Variants in DMRTB1 observed in about 807,000 individuals in gnomAD.
The protein encoded by DMRTB1 is DMRT like family B with proline rich C-terminal 1.
Under a neutral mutation model 25.2 loss-of-function variants are expected in DMRTB1, and 9 were observed. The observed-to-expected ratio is 0.36, with a 90% CI of 0.22 to 0.62. DMRTB1 has a LOEUF of 0.62. Ranked by LOEUF, DMRTB1 falls within the 20% of genes least tolerant of loss-of-function variation. The pLI, the probability that DMRTB1 is intolerant of heterozygous loss-of-function variation, is 0.71. For synonymous variants in DMRTB1, 269 were observed against 238.1 expected (o/e 1.13, Z -1.20); for missense variants, 551 against 499.3 (o/e 1.10, Z -0.99).
intron 1 of DMRTB1, 83 bp downstream of exon 1, chr1:53,460,113 C>A: frequency 7.0e-7 from 1 of 1,427,638 alleles, no homozygotes; most frequent in South Asian, 1.4e-5. Context: ...CATAGGGGTT[C>A]GGGGTGGAGA....
chr1:53,464,632 T>C lies in DMRTB1; in HGVS notation c.751-5T>C. The stretch of plus-strand genomic sequence containing the variant: ...CTCCGCCTCTCTGCTGTGTGTGCCG[T>C]GCAGGTGTCAGAACCAGGAGGAGAC... On this transcript the variant is annotated splice_region_variant and splice_polypyrimidine_tract_variant and intron_variant, in intron 2 of 3. Transcript: ENST00000371445. 2 of 1,613,184 alleles carry C rather than the reference T, an allele frequency of 1.2e-6. No homozygotes were observed. Among genetic ancestry groups the C allele is most frequent in the Non-Finnish European group, 1.7e-6 (2 of 1,180,024 alleles).
chr1:53,460,568 GAGCC>G (rs1342805332), intron 1 of DMRTB1: 1 of 153,026 alleles, frequency 6.5e-6, no homozygotes, highest in East Asian at 1.9e-4. Context: ...CAGGTGAGGG[GAGCC>G]TGCTTCTTTA....
chr1:53,464,949 A>G (rs573937523), intron 3 of DMRTB1, 102 bp downstream of exon 3: 4 of 1,515,820 alleles, frequency 2.6e-6, no homozygotes, highest in East Asian at 2.2e-5. Context: ...GAGAAGGGAC[A>G]TGGAATTTAA....
Position 53,461,552 on chromosome 1 carries a change from G to C in DMRTB1, c.657G>C (p.Pro219=). 2 of 1,612,044 alleles carry C rather than the reference G, an allele frequency of 1.2e-6. No individual in the cohort carries two copies. The highest frequency in any genetic ancestry group is 1.7e-6 in the Non-Finnish European group (2 of 1,179,160). Residue 219 remains proline (P), a synonymous_variant, in exon 2 of 4, where the codon CCG becomes CCC. Transcript: ENST00000371445. ...GCTCCAGCATGCACCCCTACTGCCC[G>C]TTCCCGCTGGGCTACCTGGACGCCC... The part of the protein sequence containing the change: ...PGGSSMHPYC[P]FPLGYLDAPP...
chr1:53,461,495 G>C lies in DMRTB1; in HGVS notation c.600G>C (p.Pro200=). Residue 200 remains proline, a synonymous_variant, in exon 2 of 4, where the codon CCG becomes CCC. Coordinates refer to ENST00000371445, the MANE Select transcript of DMRTB1 (RefSeq NM_033067.3). ...TAGTGCGCCCTCTGAACATCAACCC[G>C]GACCGTGCACTGGGCCCTGAGTACC... ...TDFVRPLNIN[P]DRALGPEYPG... 2 of 1,603,754 alleles carry C rather than the reference G, an allele frequency of 1.2e-6. No homozygotes were observed. The highest frequency in any genetic ancestry group is 8.5e-7 in the Non-Finnish European group (1 of 1,174,690).
Position 53,459,643 on chromosome 1 carries a change from G to A in DMRTB1, c.190G>A (p.Glu64Lys), listed in dbSNP as rs894953749. ...KVLKTQAAEE[E>K]QEAALCAQGP... ...GCTCAAGACGCAGGCCGCCGAGGAG[G>A]AGCAGGAGGCGGCCCTGTGTGCGCA... Residue 64 changes from glutamate (E) to lysine (K), a missense_variant, in exon 1 of 4, where the codon GAG (glutamate) becomes AAG (lysine). Physicochemically the swap from Glu to Lys is moderately conservative, Grantham distance 56 (BLOSUM62 1). Coordinates refer to ENST00000371445, the MANE Select transcript of DMRTB1 (RefSeq NM_033067.3). 3.2e-6 allele frequency: 5 copies of A among 1,556,446 alleles called. No individual in the cohort carries two copies. Among genetic ancestry groups the A allele is most frequent in the South Asian group, 1.2e-5 (1 of 84,804 alleles).
rs182699648 is a variant in DMRTB1 at position 53,463,034 on chromosome 1, C to G, written c.750+1389C>G. Among the ~76,000 whole-genome samples, 3 of 152,226 alleles carry G rather than the reference C, an allele frequency of 2.0e-5. No homozygotes were observed. In the South Asian group the frequency reaches 6.2e-4, roughly 31 times the overall value. On this transcript the variant is annotated intron_variant, in intron 2 of 3. Transcript: ENST00000371445. ...CCTTTGTTAAGAGTGTGATCTCAGT[C>G]GGTTTATCTGGGCCTGAGCTGCCAC... is the stretch of plus-strand genomic sequence containing the variant.
At chr1:53,460,134 C>G in intron 1 of DMRTB1, 104 bp downstream of exon 1, 1 of 1,383,088 alleles carries the variant, frequency 7.2e-7, no homozygotes. Context: ...GAAGTTTTTC[C>G]ACGGGTAACG....
rs1357360652 is a variant in DMRTB1, at chr1:53,459,606, C to A, written c.153C>A (p.Ala51=). ...YLISERQKIM[A]AQKVLKTQAA... ...TCTCCGAGCGCCAGAAGATCATGGC[C>A]GCGCAGAAGGTGCTCAAGACGCAGG... The change falls in exon 1 of 4, where the codon GCC becomes GCA. Residue 51 remains alanine, a synonymous_variant. Transcript: ENST00000371445. 1 of 1,587,922 alleles carries A rather than the reference C, an allele frequency of 6.3e-7. No individual in the cohort carries two copies. The highest frequency in any genetic ancestry group is 8.6e-7 in the Non-Finnish European group (1 of 1,167,504).
chr1:53,464,720 A>G lies in DMRTB1; in HGVS notation c.834A>G (p.Pro278=). 1 of 1,612,848 alleles carries G rather than the reference A, an allele frequency of 6.2e-7. No individual in the cohort carries two copies. The highest frequency in any genetic ancestry group is 2.2e-5 in the East Asian group (1 of 44,832). ...PPPLPPLPPL[P]PQPQFLPPGY... ...CACTGCCGCCCCTTCCACCGCTTCC[A>G]CCGCAGCCCCAGTTCCTCCCGCCAG... is the stretch of plus-strand genomic sequence containing the variant. The change falls in exon 3 of 4, where the codon CCA becomes CCG. Residue 278 remains proline, a synonymous_variant. Transcript: ENST00000371445.
intron 2 of DMRTB1, among the ~76,000 whole-genome samples, chr1:53,463,269 G>C (rs905427590): frequency 9.2e-5 from 14 of 152,202 alleles, no homozygotes; most frequent in African/African-American, 3.4e-4. Context: ...CTCCAGAACA[G>C]TTTCCTCCTT....
At position 53,459,902 on chromosome 1, in the gene DMRTB1, C is replaced by T; in HGVS notation, c.449C>T (p.Ala150Val). ...GRSHVEPSER[A>V]AVAMPSLAGP... ...AGCCACGTGGAGCCGAGCGAGCGAG[C>T]CGCCGTGGCGATGCCCAGCCTTGCG... The change falls in exon 1 of 4, where the codon GCC becomes GTC. Residue 150 changes from alanine (A) to valine (V), a missense_variant. Physicochemically the swap from Ala to Val is moderately conservative, Grantham distance 64. Coordinates refer to ENST00000371445, the MANE Select transcript of DMRTB1 (RefSeq NM_033067.3). The T allele has an allele frequency of 6.5e-7, 1 of 1,537,192 alleles. No individual in the cohort carries two copies. Among genetic ancestry groups the T allele is most frequent in the Non-Finnish European group, 8.7e-7 (1 of 1,151,544 alleles).
chr1:53,463,669 T>C (rs1328807953), intron 2 of DMRTB1, among the ~76,000 whole-genome samples: 1 of 152,210 alleles, frequency 6.6e-6, no homozygotes, highest in African/African-American at 2.4e-5. Flanking sequence ...TGCTCATGTG[T>C]GACCCACTAA....
In DMRTB1 at chr1:53,459,719, C is replaced by T. The variant is rs1644007452; in HGVS notation, c.266C>T (p.Pro89Leu). The T allele has an allele frequency of 2.2e-6, 3 of 1,384,876 alleles. No homozygotes were observed. The highest frequency in any genetic ancestry group is 3.8e-5 in the Admixed American group (1 of 26,168). 85.8% of individuals were successfully genotyped at this position (1,384,876 alleles called of 1,614,324 possible). Residue 89 changes from proline to leucine, a missense_variant, in exon 1 of 4, where the codon CCC becomes CTC. Pro to Leu is a moderately conservative substitution (Grantham distance 98). Coordinates refer to ENST00000371445, the MANE Select transcript of DMRTB1 (RefSeq NM_033067.3). ...GAAAAAPAPV[P>L]VPAASLRPLS... ...GCGGCCGCCGCCCCCGCCCCCGTCC[C>T]CGTCCCGGCCGCGAGCCTCCGCCCG... is the stretch of plus-strand genomic sequence containing the variant.
chr1:53,461,700 G>A lies in DMRTB1; in HGVS notation c.750+55G>A, dbSNP rs766915971. On this transcript the variant is annotated intron_variant, in intron 2 of 3. Transcript: ENST00000371445. ...TTCCTCCACCCAGTCTGCCCCTGCT[G>A]CCTTGATGGATCCTCAGTCCCAGGA... 3.3e-5 allele frequency: 49 copies of A among 1,494,010 alleles called. 1 individual carries two copies. Among genetic ancestry groups the A allele is most frequent in the Middle Eastern group, 1.8e-4 (1 of 5,606 alleles). The allele number at this position is 1,494,010 out of a possible 1,614,324, so 92.5% of individuals were successfully genotyped here.
Position 53,460,028 on chromosome 1 carries a change from T to A in DMRTB1, c.575T>A (p.Phe192Tyr). The part of the protein sequence containing the change: ...RTVPGPLFTD[F>Y]VRPLNINPDR... ...GTGCCCGGCCCACTGTTCACCGACTTTGGTAAGTCGTGGCCTTGGTCCCGC... is the reference window on the plus strand; with the variant it reads ...GTGCCCGGCCCACTGTTCACCGACTATGGTAAGTCGTGGCCTTGGTCCCGC... Residue 192 changes from phenylalanine to tyrosine, a missense_variant and splice_region_variant, in exon 1 of 4, where the codon TTT becomes TAT. Phe to Tyr is a conservative substitution (Grantham distance 22). Coordinates refer to ENST00000371445, the MANE Select transcript of DMRTB1 (RefSeq NM_033067.3). 1 of 1,574,674 alleles carries A rather than the reference T, an allele frequency of 6.4e-7. No homozygotes were observed. The highest frequency in any genetic ancestry group is 1.4e-5 in the African/African-American group (1 of 72,992).
chr1:53,461,568 C>G lies in DMRTB1; in HGVS notation c.673C>G (p.Leu225Val). 6.2e-7 allele frequency: 1 copy of G among 1,611,956 alleles called. No homozygotes were observed. Among genetic ancestry groups the G allele is most frequent in the Non-Finnish European group, 8.5e-7 (1 of 1,179,156 alleles). ...CTACTGCCCGTTCCCGCTGGGCTACCTGGACGCCCCTCCTGGCGTCCCCCT... is the reference window on the plus strand; with the variant it reads ...CTACTGCCCGTTCCCGCTGGGCTACGTGGACGCCCCTCCTGGCGTCCCCCT... ...HPYCPFPLGY[L>V]DAPPGVPLQQ... The change falls in exon 2 of 4, where the codon CTG becomes GTG. Residue 225 changes from leucine (L) to valine (V), a missense_variant. Transcript: ENST00000371445.
At chr1:53,460,181 AT>A in intron 1 of DMRTB1, 151 bp downstream of exon 1, 1 of 1,177,448 alleles carries the variant, frequency 8.5e-7, no homozygotes, top group Non-Finnish European at 1.1e-6. Flanking sequence ...TCGAACAGGG[AT>A]TTGGATTGGG....
chr1:53,466,788 C>A lies in DMRTB1; in HGVS notation c.*126C>A. 1 of 949,278 alleles carries A rather than the reference C, an allele frequency of 1.1e-6. No individual in the cohort carries two copies. Among genetic ancestry groups the A allele is most frequent in the South Asian group, 1.5e-5 (1 of 68,326 alleles). 58.8% of individuals were successfully genotyped at this position (949,278 alleles called of 1,614,324 possible). ...GATAGCATAGATGGCAACTGATTCC[C>A]AGTTTAAGATAGGAGGAAGGAGAGC... On this transcript the variant is annotated 3_prime_UTR_variant, in exon 4 of 4. Coordinates refer to ENST00000371445, the MANE Select transcript of DMRTB1 (RefSeq NM_033067.3).
Sources: allele counts gnomAD v4.1 joint callset (sites outside exome capture counted in the v4.1 genomes callset), GRCh38; gene constraint gnomAD v4.1.1; transcripts MANE v1.5; gene names NCBI Gene and HGNC (gene_info 2026-07-23, HGNC 2026-07-21).